Variants in MED14 observed in about 807,000 individuals in gnomAD.
MED14 encodes the protein mediator complex subunit 14, also known as mediator of RNA polymerase II transcription subunit 14.
MED14 carries 8 observed loss-of-function variants against 109.0 expected under a neutral mutation model. That is an observed-to-expected ratio of 0.07 (90% confidence interval 0.04 to 0.13). The LOEUF (loss-of-function observed/expected upper bound fraction) is 0.13. Ranked by LOEUF, MED14 falls within the 10% of genes least tolerant of loss-of-function variation. The probability of loss-of-function intolerance (pLI) is 1.00; values close to 1 mark genes in which losing one functional copy is unlikely to be tolerated. For synonymous variants in MED14, 399 were observed against 408.7 expected (o/e 0.98, Z 0.29); for missense variants, 711 against 1,142.4 (o/e 0.62, Z 5.44).
At chrX:40,672,797 G>GA (rs1929775995) in intron 22 of MED14, among the ~76,000 whole-genome samples, 1 of 110,272 alleles carries the variant, frequency 9.1e-6, no homozygotes, top group Non-Finnish European at 1.9e-5. Flanking sequence ...CTATCTTAAA[G>GA]AAATTATAGA....
At chrX:40,703,324 A>AC in intron 11 of MED14, 120 bp downstream of exon 11, 1 of 561,618 alleles carries the variant, frequency 1.8e-6, no homozygotes. Flanking sequence ...TGGTTTCCAT[A>AC]CCCACTTTCA....
intron 13 of MED14, among the ~76,000 whole-genome samples, chrX:40,693,383 T>C (rs146459021): frequency 0.022 from 2,466 of 110,862 alleles, 75 homozygotes; most frequent in African/African-American, 0.076. Context: ...TAATAGTGAA[T>C]GGGTCTCACG....
At chrX:40,685,254 T>C (rs1175018839) in intron 16 of MED14, among the ~76,000 whole-genome samples, 5 of 112,103 alleles carry the variant, frequency 4.5e-5, no homozygotes, top group African/African-American at 1.6e-4. Context: ...CAGGCTATGG[T>C]CTTTTAAGGT....
intron 13 of MED14, among the ~76,000 whole-genome samples, chrX:40,695,298 T>C (rs1271397706): frequency 8.9e-6 from 1 of 112,358 alleles, no homozygotes; most frequent in Non-Finnish European, 1.9e-5. Flanking sequence ...ATGTAAATTA[T>C]ATCTTAATAA....
chrX:40,732,728 T>C (rs754417683), intron 1 of MED14, among the ~76,000 whole-genome samples: 1 of 107,130 alleles, frequency 9.3e-6, no homozygotes, highest in Non-Finnish European at 1.9e-5. Flanking sequence ...GCAGTGAGCA[T>C]GACTGTGCCA....
intron 25 of MED14, among the ~76,000 whole-genome samples, 166 bp downstream of exon 25, chrX:40,664,141 T>C (rs761332630): frequency 1.0e-3 from 112 of 111,336 alleles, no homozygotes; most frequent in Middle Eastern, 4.6e-3. Context: ...ACAGAGGGCA[T>C]GGAAACTGCA....
intron 26 of MED14, among the ~76,000 whole-genome samples, chrX:40,661,847 T>A (rs1929286390): frequency 9.0e-6 from 1 of 111,296 alleles, no homozygotes; most frequent in African/African-American, 3.3e-5. Flanking sequence ...CGAGAGTTTT[T>A]AAAAATTCAA....
intron 8 of MED14, 83 bp downstream of exon 8, chrX:40,711,086 A>G: frequency 9.6e-7 from 1 of 1,038,393 alleles, no homozygotes; most frequent in Non-Finnish European, 1.3e-6. Flanking sequence ...ACTGTATATT[A>G]AATCAGATGT....
rs759141396 is a variant in MED14 at position 40,661,408 on chromosome X, C to T, written c.3684+1517G>A. Among the ~76,000 whole-genome samples the T allele has an allele frequency of 4.2e-3, 449 of 107,226 alleles. 3 individuals are homozygous for T. Among genetic ancestry groups the T allele is most frequent in the Middle Eastern group, 0.019 (4 of 212 alleles). 93.1% of individuals were successfully genotyped at this position (107,226 alleles called of 115,157 possible). The stretch of plus-strand genomic sequence containing the variant: ...TGTATTTTCAGTAGAGATAGGGTGT[C>T]GCCATGTTGGCCAGGCTGGTCTCAA... On this transcript the variant is annotated intron_variant, in intron 26 of 30. Transcript: ENST00000324817.
Position 40,666,734 on chromosome X carries a change from A to C in MED14, c.3251T>G (p.Phe1084Cys). The C allele has an allele frequency of 8.3e-7, 1 of 1,209,670 alleles. No individual in the cohort carries two copies. The highest frequency in any genetic ancestry group is 1.1e-6 in the Non-Finnish European group (1 of 894,334). The part of the protein sequence containing the change: ...HGISIGPGAS[F>C]ASPHGTLDPS... ...TATGGACTCACCATGTGGACTAGCA[A>C]AACTGGCCCCTGGTCCTATTGAGAT... is the stretch of plus-strand genomic sequence containing the variant. The change falls in exon 24 of 31, where the codon TTT (phenylalanine) becomes TGT (cysteine). Residue 1084 changes from phenylalanine to cysteine, a missense_variant. This residue lies in a region of MED14 where 100 missense variants were observed against 147.5 expected (regional missense o/e 0.68). Transcript: ENST00000324817.
intron 23 of MED14, among the ~76,000 whole-genome samples, chrX:40,670,773 A>AAAAT (rs1929699881): frequency 9.1e-6 from 1 of 110,389 alleles, no homozygotes; most frequent in African/African-American, 3.3e-5. Context: ...GTCTCAAAAA[A>AAAAT]AAAAAAAAAT....
intron 13 of MED14, among the ~76,000 whole-genome samples, chrX:40,695,967 C>T (rs1466763514): frequency 9.0e-6 from 1 of 111,067 alleles, no homozygotes; most frequent in Non-Finnish European, 1.9e-5. Context: ...GCGACGAGGT[C>T]TCACTATATT....
At chrX:40,656,391 A>T (rs1929056106) in intron 28 of MED14, among the ~76,000 whole-genome samples, 1 of 112,317 alleles carries the variant, frequency 8.9e-6, no homozygotes, top group Non-Finnish European at 1.9e-5. Context: ...AAAAGACCTA[A>T]AAATCTACAA....
intron 13 of MED14, among the ~76,000 whole-genome samples, chrX:40,694,064 A>G (rs5963835): frequency 8.2e-5 from 9 of 110,398 alleles, no homozygotes; most frequent in Middle Eastern, 4.3e-3. Flanking sequence ...CACTAGGCTA[A>G]TTTTTTGTAT....
chrX:40,651,689 A>ATATT lies in MED14; in HGVS notation c.*113_*116dup, dbSNP rs1340768543. 32 of 1,063,315 alleles carry ATATT rather than the reference A, an allele frequency of 3.0e-5. No homozygotes were observed. Among genetic ancestry groups the ATATT allele is most frequent in the Non-Finnish European group, 3.8e-5 (31 of 825,635 alleles). 87.6% of individuals were successfully genotyped at this position (1,063,315 alleles called of 1,213,427 possible). A position where few individuals can be genotyped will look rare whatever the true frequency, so the allele number is the denominator to read the frequency against. ...CCCTGAAAATTTTTGCCAGTTTAGAATATTTAGCTCTTAAAGTTTAAAAAA... is the reference window on the plus strand; with the variant it reads ...CCCTGAAAATTTTTGCCAGTTTAGAATATTTATTTAGCTCTTAAAGTTTAAAAAA... On this transcript the variant is annotated 3_prime_UTR_variant, in exon 31 of 31. Transcript: ENST00000324817.
chrX:40,672,068 C>G, intron 22 of MED14, 96 bp from the exon 23 acceptor site: 1 of 457,291 alleles, frequency 2.2e-6, no homozygotes, highest in Non-Finnish European at 3.7e-6. Context: ...TTAATATTTA[C>G]ACACTTTGCT....
chrX:40,703,964 T>C (rs1166400083), intron 10 of MED14, among the ~76,000 whole-genome samples: 1 of 112,481 alleles, frequency 8.9e-6, no homozygotes, highest in African/African-American at 3.2e-5. Flanking sequence ...AACTAGTTGT[T>C]TATAAACAGA....
intron 1 of MED14, among the ~76,000 whole-genome samples, chrX:40,730,077 C>A (rs1438546806): frequency 1.8e-5 from 2 of 111,948 alleles, no homozygotes; most frequent in Admixed American, 1.9e-4. Context: ...ATGGCCTAAA[C>A]AACTCTCATG....
intron 1 of MED14, among the ~76,000 whole-genome samples, chrX:40,730,910 C>T (rs1379146741): frequency 4.3e-5 from 2 of 46,604 alleles, no homozygotes; most frequent in Non-Finnish European, 8.1e-5. Flanking sequence ...GGCTTGGTGG[C>T]GGGGGGGTGG....
Sources: gnomAD v4.1 joint callset for allele counts (sites outside exome capture counted in the v4.1 genomes callset) on GRCh38, gnomAD v4.1.1 for gene constraint, gnomAD v4.1.1 regional missense constraint, MANE v1.5 for transcripts, NCBI Gene and HGNC (gene_info 2026-07-23, HGNC 2026-07-21) for gene names.